Variants in IGF2R observed in about 807,000 individuals in gnomAD.
The protein encoded by IGF2R is cation-independent mannose-6-phosphate receptor.
In IGF2R, 91 loss-of-function variants were observed where a neutral mutation model predicts 270.6. The observed-to-expected ratio is 0.34, with a 90% CI of 0.28 to 0.40. The LOEUF is 0.40. IGF2R is among the 10% of genes least tolerant of loss of function. The probability of loss-of-function intolerance (pLI) is 1.00; values close to 1 mark genes in which losing one functional copy is unlikely to be tolerated. For synonymous variants in IGF2R, 1,316 were observed against 1,258.9 expected, an observed-to-expected ratio of 1.05 and a Z score of -0.96; for missense variants, 2,805 against 3,188.3, an observed-to-expected ratio of 0.88 and a Z score of 2.90.
chr6:160,103,664 TGGGGGTGGGGCTGGC>T (rs998177023), intron 46 of IGF2R, 67 bp from the exon 47 acceptor site: 103 of 891,342 alleles, frequency 1.2e-4, no homozygotes, highest in Middle Eastern at 4.7e-4. Context: ...GTGGTGCAGA[TGGGGGTGGGGCTGGC>T]GGGGGTGGGG....
At chr6:160,060,394 C>T (rs1007742892) in intron 22 of IGF2R, among the ~76,000 whole-genome samples, 153 bp from the exon 23 acceptor site, 5 of 152,264 alleles carry the variant, frequency 3.3e-5, no homozygotes, top group Non-Finnish European at 5.9e-5. Context: ...TCGAGTCCCT[C>T]GATACACACT....
At chr6:159,994,809 G>A (rs1784028338) in intron 2 of IGF2R, among the ~76,000 whole-genome samples, 2 of 152,188 alleles carry the variant, frequency 1.3e-5, no homozygotes, top group African/African-American at 4.8e-5. Flanking sequence ...TGGAAAGATA[G>A]TTGATATGAT....
chr6:159,972,544 A>C (rs1783626038), intron 1 of IGF2R, among the ~76,000 whole-genome samples: 1 of 152,156 alleles, frequency 6.6e-6, no homozygotes, highest in Admixed American at 6.5e-5. Flanking sequence ...CTCTCCTCCC[A>C]AGCCCAGCTC....
intron 44 of IGF2R, chr6:160,093,363 C>G: frequency 7.4e-6 from 2 of 268,860 alleles, no homozygotes; most frequent in Non-Finnish European, 1.5e-5. Flanking sequence ...AGGTTAAATT[C>G]TTGCCTTCCC....
Position 160,029,457 on chromosome 6 carries a change from C to G in IGF2R, c.777-93C>G, listed in dbSNP as rs531455477. On this transcript the variant is annotated intron_variant, in intron 6 of 47. Transcript: ENST00000356956. ...TTTCTTCTGTTACCCTCTCCTCCCC[C>G]CCAAGTGAATGTGCTGAATGCTCAG... 357 of 713,930 alleles carry G rather than the reference C, an allele frequency of 5.0e-4. 5 individuals carry two copies. Among genetic ancestry groups the G allele is most frequent in the South Asian group, 3.1e-3 (194 of 63,322 alleles). 44.2% of individuals were successfully genotyped at this position (713,930 alleles called of 1,614,324 possible). A position where few individuals can be genotyped will look rare whatever the true frequency, so the allele number is the denominator to read the frequency against.
intron 2 of IGF2R, among the ~76,000 whole-genome samples, chr6:159,992,270 T>G (rs754356464): frequency 1.2e-4 from 19 of 152,206 alleles, no homozygotes; most frequent in African/African-American, 4.6e-4. Flanking sequence ...AAGTGCAGTT[T>G]GTTACATGGA....
chr6:159,995,963 A>T (rs375407722), intron 2 of IGF2R, among the ~76,000 whole-genome samples: 1 of 128,338 alleles, frequency 7.8e-6, no homozygotes, highest in Non-Finnish European at 1.6e-5. Context: ...TGGATAAACT[A>T]TCTCTTCTTT....
Position 160,094,014 on chromosome 6 carries a change from A to G in IGF2R, c.6656-2425A>G, listed in dbSNP as rs1404308515. On this transcript the variant is annotated intron_variant, in intron 44 of 47. Transcript: ENST00000356956. ...TTCACTAAAGGACAGACAGCAAACT[A>G]TTCCTTGCAGTCTAGTATTTAAGTA... 6.3e-6 allele frequency: 4 copies of G among 632,442 alleles called. No homozygotes were observed. The East Asian group carries it at 1.2e-4, about 18-fold the overall frequency. The allele number at this position is 632,442 out of a possible 1,614,324, so 39.2% of individuals were successfully genotyped here.
At chr6:160,094,482 T>A (rs548367924) in intron 44 of IGF2R, 2 of 156,704 alleles carry the variant, frequency 1.3e-5, no homozygotes, top group South Asian at 3.9e-4. Context: ...GTCTTTCTGC[T>A]TTTTGTGAAG....
intron 44 of IGF2R, among the ~76,000 whole-genome samples, chr6:160,091,535 A>C (rs917906094): frequency 1.3e-5 from 2 of 152,216 alleles, no homozygotes; most frequent in African/African-American, 4.8e-5. Context: ...TGGCCCCTGA[A>C]TAGAACTGGG....
chr6:160,049,382 A>G (rs1778143881), intron 18 of IGF2R, among the ~76,000 whole-genome samples: 2 of 152,180 alleles, frequency 1.3e-5, no homozygotes, highest in Non-Finnish European at 2.9e-5. Flanking sequence ...CCCAATGTGC[A>G]TAGTACCCGA....
intron 7 of IGF2R, 34 bp downstream of exon 7, chr6:160,029,689 G>A (rs374135149): frequency 1.2e-5 from 17 of 1,478,142 alleles, no homozygotes; most frequent in Admixed American, 5.0e-5. Flanking sequence ...CTAATGTGGC[G>A]CACAGTAGCC....
At chr6:160,049,000 C>A (rs909028430) in intron 18 of IGF2R, among the ~76,000 whole-genome samples, 2 of 152,198 alleles carry the variant, frequency 1.3e-5, no homozygotes, top group African/African-American at 4.8e-5. Flanking sequence ...AATGCAGTCA[C>A]CGCCAGAACA....
chr6:160,046,509 G>T lies in IGF2R; in HGVS notation c.1915G>T (p.Asp639Tyr). 1 of 1,606,478 alleles carries T rather than the reference G, an allele frequency of 6.2e-7. No homozygotes were observed. The highest frequency in any genetic ancestry group is 8.5e-7 in the Non-Finnish European group (1 of 1,178,280). Residue 639 changes from aspartate (D) to tyrosine (Y), a missense_variant, in exon 15 of 48, where the codon GAC (aspartate) becomes TAC (tyrosine). Around this residue, in one of 2 missense-constraint regions of IGF2R, gnomAD observed 954 missense variants for 981.1 expected, o/e 0.97. Coordinates refer to ENST00000356956, the MANE Select transcript of IGF2R (RefSeq NM_000876.4). ...TTATTCTTTCTTAGGGTTTTCTTTT[G>T]ACTTATCACCTCTCACAAAGAAAAA... ...VFDSQAGFSF[D>Y]LSPLTKKNGA...
intron 41 of IGF2R, among the ~76,000 whole-genome samples, chr6:160,087,698 T>G (rs1779124407): frequency 6.6e-6 from 1 of 152,210 alleles, no homozygotes; most frequent in Admixed American, 6.5e-5. Flanking sequence ...AGATGGAGTT[T>G]TGCTCTTGTT....
intron 37 of IGF2R, 81 bp downstream of exon 37, chr6:160,078,443 A>C: frequency 7.3e-7 from 1 of 1,366,154 alleles, no homozygotes; most frequent in Non-Finnish European, 1.0e-6. Flanking sequence ...TGTTTTGGAT[A>C]ATGTGGTACC....
rs1411856967 is a variant in IGF2R, at chr6:160,060,572, CTTTG to C, written c.3122_3125del (p.Val1041AlafsTer55). 6.2e-7 allele frequency: 1 copy of C among 1,614,180 alleles called. No homozygotes were observed. The highest frequency in any genetic ancestry group is 8.5e-7 in the Non-Finnish European group (1 of 1,180,060). ...GTACCGCTGATGCTTTTATCGTCCG[CTTTG>C]TTTGCAATGATGATGTTTACTCAGG... On this transcript the variant is annotated frameshift_variant, in exon 23 of 48. Transcript: ENST00000356956. LOFTEE classifies it high-confidence loss of function.
chr6:159,982,360 A>G (rs1320546137), intron 1 of IGF2R, among the ~76,000 whole-genome samples: 1 of 151,322 alleles, frequency 6.6e-6, no homozygotes, highest in East Asian at 1.9e-4. Context: ...GATTTCTTGA[A>G]TACTCTGTTA....
In IGF2R at chr6:160,073,991, C is replaced by T. The variant is rs760612907; in HGVS notation, c.5166+16C>T. 3 of 1,580,452 alleles carry T rather than the reference C, an allele frequency of 1.9e-6. No homozygotes were observed. The highest frequency in any genetic ancestry group is 4.5e-5 in the East Asian group (2 of 44,386). Reference sequence around the variant, plus strand: ...TCCCCCCATAGTAAGTATGACAAATCCAAGGGTGGAGATAATTTTTGCAAG... The same window carrying T: ...TCCCCCCATAGTAAGTATGACAAATTCAAGGGTGGAGATAATTTTTGCAAG... On this transcript the variant is annotated intron_variant, in intron 35 of 47. Transcript: ENST00000356956.
Sources: gnomAD v4.1 joint callset for allele counts (sites outside exome capture counted in the v4.1 genomes callset) on GRCh38, gnomAD v4.1.1 for gene constraint, gnomAD v4.1.1 regional missense constraint, MANE v1.5 for transcripts, NCBI Gene and HGNC (gene_info 2026-07-23, HGNC 2026-07-21) for gene names.